Variants in BNIP1 observed in about 807,000 individuals in gnomAD.
BNIP1 encodes vesicle transport protein SEC20.
A neutral mutation model predicts 28.5 loss-of-function variants in BNIP1; 25 were observed. The ratio of observed to expected loss-of-function variants is 0.88; its 90% CI spans 0.64 to 1.23. The LOEUF (loss-of-function observed/expected upper bound fraction) is 1.23, where lower values mean the gene tolerates loss of function less well. Among genes scored for constraint, BNIP1 ranks in the 50% most tolerant of loss-of-function variants. The pLI is 0.00. For synonymous variants in BNIP1, 118 were observed against 101.7 expected (o/e 1.16, Z -0.96); for missense variants, 276 against 277.0 (o/e 1.00, Z 0.02).
chr5:173,146,889 C>G lies in BNIP1; in HGVS notation c.108C>G (p.Pro36=), dbSNP rs1169568123. 4 of 1,613,918 alleles carry G rather than the reference C, an allele frequency of 2.5e-6. No homozygotes were observed. Among genetic ancestry groups the G allele is most frequent in the Non-Finnish European group, 3.4e-6 (4 of 1,179,870 alleles). The change falls in exon 2 of 6, where the codon CCC becomes CCG. Residue 36 remains proline (P), a synonymous_variant. Coordinates refer to ENST00000351486, the MANE Select transcript of BNIP1 (RefSeq NM_001205.3). ...LIQDIRDCSG[P]LSALTELNTK... ...AGGATATCCGTGATTGTTCAGGACC[C>G]TTAAGTGCTCTTACTGAACTGAATA...
intron 2 of BNIP1, chr5:173,151,708 T>A: frequency 6.2e-7 from 1 of 1,612,740 alleles, no homozygotes; most frequent in Non-Finnish European, 8.5e-7. Flanking sequence ...AGTATTTGTA[T>A]GTTCTTTTTA....
At chr5:173,147,158 G>A (rs1759863090) in intron 2 of BNIP1, among the ~76,000 whole-genome samples, 200 bp downstream of exon 2, 1 of 152,146 alleles carries the variant, frequency 6.6e-6, no homozygotes, top group Non-Finnish European at 1.5e-5. Context: ...TGTAATCCCA[G>A]CACTTTGGGA....
chr5:173,161,327 C>G (rs1270779093), intron 5 of BNIP1: 1 of 153,546 alleles, frequency 6.5e-6, no homozygotes, highest in Non-Finnish European at 1.5e-5. Flanking sequence ...CAAGGTCACT[C>G]CTTGAGTTTG....
chr5:173,151,753 C>T (rs1760029402), intron 2 of BNIP1: 1 of 1,604,210 alleles, frequency 6.2e-7, no homozygotes, highest in Admixed American at 1.7e-5. Context: ...TTATTTCCTT[C>T]ACTCATTAAA....
At chr5:173,162,365 G>A (rs1209377212) in intron 5 of BNIP1, among the ~76,000 whole-genome samples, 2 of 151,990 alleles carry the variant, frequency 1.3e-5, no homozygotes, top group East Asian at 1.9e-4. Context: ...GGCTCATGCC[G>A]GTAATCCCAG....
chr5:173,160,130 C>T (rs1581081679), intron 5 of BNIP1, 79 bp downstream of exon 5: 1 of 1,311,020 alleles, frequency 7.6e-7, no homozygotes. Flanking sequence ...CCACTCTGGG[C>T]TCCTCCACCA....
chr5:173,145,053 C>G (rs1759794083), intron 1 of BNIP1: 1 of 162,952 alleles, frequency 6.1e-6, no homozygotes, highest in Admixed American at 6.3e-5. Context: ...CTGGCCAGCT[C>G]TCCTGGCATC....
intron 3 of BNIP1, among the ~76,000 whole-genome samples, chr5:173,156,233 A>C (rs1760181829): frequency 6.6e-6 from 1 of 152,202 alleles, no homozygotes; most frequent in Non-Finnish European, 1.5e-5. Flanking sequence ...AGTACAGAGG[A>C]GCCCTTGTAT....
Position 173,158,140 on chromosome 5 carries a change from A to G in BNIP1, c.270-604A>G, listed in dbSNP as rs969665807. Among the ~76,000 whole-genome samples, 5 of 152,016 alleles carry G rather than the reference A, an allele frequency of 3.3e-5. No homozygotes were observed. The East Asian group carries it at 9.7e-4, about 29-fold the overall frequency. On this transcript the variant is annotated intron_variant, in intron 3 of 5. Transcript: ENST00000351486. ...GAGACGGGGTTTCTCCATGTTGCCCAGGCTGGTCTTGAACTCCTGGGCTCA... is the reference window on the plus strand; with the variant it reads ...GAGACGGGGTTTCTCCATGTTGCCCGGGCTGGTCTTGAACTCCTGGGCTCA...
intron 2 of BNIP1, among the ~76,000 whole-genome samples, chr5:173,153,786 G>C (rs1054655004): frequency 5.3e-5 from 8 of 152,070 alleles, no homozygotes; most frequent in African/African-American, 1.7e-4. Flanking sequence ...GATTTGTGGT[G>C]ATCTCAGTTC....
chr5:173,146,496 A>C (rs1218258728), intron 1 of BNIP1, among the ~76,000 whole-genome samples: 2 of 152,200 alleles, frequency 1.3e-5, no homozygotes, highest in Non-Finnish European at 2.9e-5. Context: ...CCAAGTTGGA[A>C]GGATCTAAGG....
intron 2 of BNIP1, among the ~76,000 whole-genome samples, chr5:173,153,729 A>AT (rs1367037763): frequency 2.0e-5 from 3 of 151,996 alleles, no homozygotes; most frequent in Non-Finnish European, 2.9e-5. Flanking sequence ...GTAGATGGAC[A>AT]TTTTTTTATA....
chr5:173,160,090 C>T (rs181667978), intron 5 of BNIP1, 39 bp downstream of exon 5: 87 of 1,582,224 alleles, frequency 5.5e-5, no homozygotes, highest in Middle Eastern at 2.1e-4. Context: ...CTCCCAGAGA[C>T]GCTGCTCTAG....
intron 3 of BNIP1, among the ~76,000 whole-genome samples, chr5:173,155,114 TAAAAA>T (rs5745140): frequency 3.0e-4 from 46 of 152,174 alleles, no homozygotes; most frequent in Admixed American, 2.3e-3. Flanking sequence ...GGATGCTGTC[TAAAAA>T]TAAAATAAAA....
intron 3 of BNIP1, among the ~76,000 whole-genome samples, chr5:173,155,948 A>G (rs968593318): frequency 5.9e-5 from 9 of 151,954 alleles, no homozygotes; most frequent in Non-Finnish European, 1.3e-4. Context: ...TCTCTTGTTC[A>G]CTGGTCTGCC....
At chr5:173,147,029 G>C in intron 2 of BNIP1, 71 bp downstream of exon 2, 1 of 1,251,612 alleles carries the variant, frequency 8.0e-7, no homozygotes, top group South Asian at 1.2e-5. Context: ...GAGCCGTCTG[G>C]GTTCTTCAAA....
At chr5:173,157,241 A>G (rs1760227017) in intron 3 of BNIP1, among the ~76,000 whole-genome samples, 1 of 152,174 alleles carries the variant, frequency 6.6e-6, no homozygotes. Context: ...CCTTCAGCAT[A>G]AAGGTGCTAT....
intron 2 of BNIP1, among the ~76,000 whole-genome samples, chr5:173,152,956 C>T (rs1481615949): frequency 6.6e-6 from 1 of 151,916 alleles, no homozygotes; most frequent in Admixed American, 6.6e-5. Context: ...ATTTGTAAAC[C>T]AAAAAATGTG....
chr5:173,149,917 T>A (rs1430289331), intron 2 of BNIP1, among the ~76,000 whole-genome samples: 3 of 152,130 alleles, frequency 2.0e-5, no homozygotes, highest in African/African-American at 7.2e-5. Context: ...CCATTCAACA[T>A]GAGATTTGGG....
Sources: allele counts gnomAD v4.1 joint callset (sites outside exome capture counted in the v4.1 genomes callset), GRCh38; gene constraint gnomAD v4.1.1; transcripts MANE v1.5; gene names NCBI Gene and HGNC (gene_info 2026-07-23, HGNC 2026-07-21).